Variants in PPIA observed in about 807,000 individuals in gnomAD.
PPIA encodes peptidylprolyl isomerase A.
Under a neutral mutation model 15.3 loss-of-function variants are expected in PPIA, and 2 were observed. The observed-to-expected ratio is 0.13, with a 90% CI of 0.05 to 0.41. The LOEUF (loss-of-function observed/expected upper bound fraction) is 0.41, where lower values mean the gene tolerates loss of function less well. Among genes scored for constraint, PPIA ranks in the 10% least tolerant of loss-of-function variants. The pLI is 0.99. For synonymous variants in PPIA, 67 were observed against 73.1 expected (o/e 0.92, Z 0.43); for missense variants, 103 against 210.3 (o/e 0.49, Z 3.16).
At chr7:44,798,192 A>G (rs1369594484) in intron 1 of PPIA, 2 of 152,236 alleles carry the variant, frequency 1.3e-5, no homozygotes, top group East Asian at 3.8e-4. Context: ...AAACGTACCG[A>G]CTATAAAGCT....
intron 4 of PPIA, among the ~76,000 whole-genome samples, chr7:44,800,956 T>A (rs562886289): frequency 6.6e-6 from 1 of 152,138 alleles, no homozygotes; most frequent in Admixed American, 6.6e-5. Context: ...TAGCTGGGAC[T>A]ATAGGCACAC....
Position 44,796,681 on chromosome 7 carries a change from G to C in PPIA, c.-44G>C, listed in dbSNP as rs776617362. The C allele has an allele frequency of 3.1e-6, 5 of 1,595,986 alleles. No homozygotes were observed. Among genetic ancestry groups the C allele is most frequent in the Non-Finnish European group, 4.3e-6 (5 of 1,166,788 alleles). ...AGGGGCGGGAGGCCAGGCTCGTGCC[G>C]TTTTGCAGACGCCACCGCCGAGGAA... On this transcript the variant is annotated 5_prime_UTR_variant, in exon 1 of 5. Transcript: ENST00000468812.
At chr7:44,800,066 C>T in intron 4 of PPIA, 192 bp downstream of exon 4, 2 of 652,350 alleles carry the variant, frequency 3.1e-6, no homozygotes, top group Non-Finnish European at 5.1e-6. Flanking sequence ...ATGATAGAAA[C>T]TTGGCCCTTA....
At position 44,801,275 on chromosome 7, in the gene PPIA, T is replaced by C. The variant is rs370575580; in HGVS notation, c.363-12T>C. ...TGGTTGCCAGTCATAGTGATTGTTCTTCCTTTTCAAGGTTGGATGGCAAGC... is the reference window on the plus strand; with the variant it reads ...TGGTTGCCAGTCATAGTGATTGTTCCTCCTTTTCAAGGTTGGATGGCAAGC... On this transcript the variant is annotated splice_polypyrimidine_tract_variant and intron_variant, in intron 4 of 4. Coordinates refer to ENST00000468812, the MANE Select transcript of PPIA (RefSeq NM_021130.5). The C allele has an allele frequency of 1.4e-5, 22 of 1,612,670 alleles. No homozygotes were observed. The highest frequency in any genetic ancestry group is 1.8e-5 in the Non-Finnish European group (21 of 1,179,406).
chr7:44,800,868 A>C (rs1191926879), intron 4 of PPIA, among the ~76,000 whole-genome samples: 1 of 151,986 alleles, frequency 6.6e-6, no homozygotes, highest in East Asian at 1.9e-4. Flanking sequence ...CCCAGGCTGG[A>C]GTGCAGTGGC....
rs558914760 is a variant in PPIA, at chr7:44,800,749, TTTTTTGTTTCTTTGGGG to T, written c.363-528_363-512del. Among the ~76,000 whole-genome samples, 99 of 151,808 alleles carry T rather than the reference TTTTTTGTTTCTTTGGGG, an allele frequency of 6.5e-4. 1 individual carries two copies. The South Asian group carries it at 0.013, about 20-fold the overall frequency. The stretch of plus-strand genomic sequence containing the variant: ...TATTAATAACATGCGGTTGGTTGGG[TTTTTTGTTTCTTTGGGG>T]TTTTTGTTTTGTTTTGTTTGTTTTT... On this transcript the variant is annotated intron_variant, in intron 4 of 4. Transcript: ENST00000468812.
Position 44,799,546 on chromosome 7 carries a change from T to A in PPIA, c.189+66T>A, listed in dbSNP as rs17860064. ...CTTCATTTGGGATTGAGCCAGAATA[T>A]TTCAGGATACACATATCTGAACTGT... On this transcript the variant is annotated intron_variant, in intron 3 of 4. Transcript: ENST00000468812. 649 of 1,581,296 alleles carry A rather than the reference T, an allele frequency of 4.1e-4. 6 individuals carry two copies. The African/African-American group carries it at 7.8e-3, about 19-fold the overall frequency.
Position 44,799,423 on chromosome 7 carries a change from A to T in PPIA, c.132A>T (p.Lys44Asn). Reference sequence around the variant, plus strand: ...TTCGTGCTCTGAGCACTGGAGAGAAAGGATTTGGTTATAAGGGTTCCTGCT... The same window carrying T: ...TTCGTGCTCTGAGCACTGGAGAGAATGGATTTGGTTATAAGGGTTCCTGCT... ...ENFRALSTGE[K>N]GFGYKGSCFH... is the part of the protein sequence containing the mutation. The change falls in exon 3 of 5, where the codon AAA becomes AAT. Residue 44 changes from lysine (K) to asparagine (N), a missense_variant. By Grantham distance (94) the Lys-to-Asn change is moderately conservative. Transcript: ENST00000468812. 6.2e-7 allele frequency: 1 copy of T among 1,613,202 alleles called. No homozygotes were observed.
intron 1 of PPIA, chr7:44,798,858 A>AC (rs1792460476): frequency 9.9e-7 from 1 of 1,014,382 alleles, no homozygotes; most frequent in Non-Finnish European, 1.2e-6. Context: ...ACAGCTGTTT[A>AC]CCCCTGATCG....
At position 44,802,841 on chromosome 7, in the gene PPIA, C is replaced by T. The variant is rs1296960158; in HGVS notation, c.*1419C>T. 6.6e-6 allele frequency: 1 copy of T among 152,144 alleles called. No homozygotes were observed. Among genetic ancestry groups the T allele is most frequent in the African/African-American group, 2.4e-5 (1 of 41,444 alleles). The allele number at this position is 152,144 out of a possible 1,614,324, so 9.4% of individuals were successfully genotyped here. A position where few individuals can be genotyped will look rare whatever the true frequency, so the allele number is the denominator to read the frequency against. Reference sequence around the variant, plus strand: ...AGGACAATCTAAGCTGAGAAAACCCCTTCTCTGCCCACCTTAACAGACCTC... The same window carrying T: ...AGGACAATCTAAGCTGAGAAAACCCTTTCTCTGCCCACCTTAACAGACCTC... On this transcript the variant is annotated 3_prime_UTR_variant, in exon 5 of 5. Transcript: ENST00000468812.
chr7:44,799,927 G>T (rs760822518), intron 4 of PPIA, 53 bp downstream of exon 4: 5 of 1,559,342 alleles, frequency 3.2e-6, no homozygotes, highest in Non-Finnish European at 4.4e-6. Flanking sequence ...AAGTTGCCCT[G>T]GGGGGAACGG....
intron 1 of PPIA, chr7:44,799,030 C>A (rs1445480228): frequency 2.6e-6 from 3 of 1,139,728 alleles, no homozygotes; most frequent in Admixed American, 3.6e-5. Flanking sequence ...TAAGTTATGA[C>A]TAGTATTGGA....
At position 44,796,730 on chromosome 7, in the gene PPIA, C is replaced by G. The variant is rs61732887; in HGVS notation, c.6C>G (p.Val2=). The G allele has an allele frequency of 4.3e-6, 7 of 1,610,808 alleles. No homozygotes were observed. The African/African-American group carries it at 8.1e-5, about 19-fold the overall frequency. The change falls in exon 1 of 5, where the codon GTC becomes GTG. Residue 2 remains valine (V), a synonymous_variant. Transcript: ENST00000468812. ...AAAACCGTGTACTATTAGCCATGGT[C>G]AACCCCACCGTGTTCTTCGACATTG... M[V]NPTVFFDIAV...
At position 44,796,894 on chromosome 7, in the gene PPIA, T is replaced by C; in HGVS notation, c.69+101T>C. 2.3e-6 allele frequency: 3 copies of C among 1,298,788 alleles called. No homozygotes were observed. In the South Asian group the frequency reaches 4.5e-5, roughly 19 times the overall value. The allele number at this position is 1,298,788 out of a possible 1,614,324, so 80.5% of individuals were successfully genotyped here. ...GGCCCGGGCGCGGGGCGACCCTGCT[T>C]GAGGGGCGAGCGCGGGCGGGCTGCG... On this transcript the variant is annotated intron_variant, in intron 1 of 4. Transcript: ENST00000468812.
chr7:44,796,720 T>A lies in PPIA; in HGVS notation c.-5T>A. On this transcript the variant is annotated 5_prime_UTR_variant, in exon 1 of 5. Coordinates refer to ENST00000468812, the MANE Select transcript of PPIA (RefSeq NM_021130.5). ...ACCGCCGAGGAAAACCGTGTACTAT[T>A]AGCCATGGTCAACCCCACCGTGTTC... 1 of 1,610,482 alleles carries A rather than the reference T, an allele frequency of 6.2e-7. No individual in the cohort carries two copies. The highest frequency in any genetic ancestry group is 8.5e-7 in the Non-Finnish European group (1 of 1,178,820).
chr7:44,798,336 A>C (rs1420821430), intron 1 of PPIA: 1 of 152,170 alleles, frequency 6.6e-6, no homozygotes, highest in Admixed American at 6.6e-5. Flanking sequence ...AACATGGTGA[A>C]ACCCCACCTC....
intron 1 of PPIA, among the ~76,000 whole-genome samples, chr7:44,797,293 G>A (rs1792403774): frequency 6.6e-6 from 1 of 152,198 alleles, no homozygotes; most frequent in Non-Finnish European, 1.5e-5. Context: ...GGATCGAGGC[G>A]CGGTGTGAGC....
chr7:44,797,485 C>G (rs1375216204), intron 1 of PPIA, among the ~76,000 whole-genome samples: 1 of 152,216 alleles, frequency 6.6e-6, no homozygotes, highest in Non-Finnish European at 1.5e-5. Flanking sequence ...TGGGCCTTGC[C>G]TTTGCTGGTG....
At position 44,799,135 on chromosome 7, in the gene PPIA, C is replaced by T. The variant is rs1792467366; in HGVS notation, c.70-112C>T. 6 of 1,282,454 alleles carry T rather than the reference C, an allele frequency of 4.7e-6. No homozygotes were observed. The South Asian group carries it at 8.3e-5, about 18-fold the overall frequency. The allele number at this position is 1,282,454 out of a possible 1,614,324, so 79.4% of individuals were successfully genotyped here. A position where few individuals can be genotyped will look rare whatever the true frequency, so the allele number is the denominator to read the frequency against. ...CAGTTCTTGGGAATTAAAGTAATTA[C>T]TGAAGAAGTATTCTAGTGAGAAAAT... On this transcript the variant is annotated intron_variant, in intron 1 of 4. Transcript: ENST00000468812.
Sources: allele counts gnomAD v4.1 joint callset (sites outside exome capture counted in the v4.1 genomes callset), GRCh38; gene constraint gnomAD v4.1.1; transcripts MANE v1.5; gene names NCBI Gene and HGNC (gene_info 2026-07-23, HGNC 2026-07-21).